Variants in PAX1 observed in about 807,000 individuals in gnomAD.
The protein encoded by PAX1 is paired box 1, also known as paired box protein Pax-1.
In PAX1, 18 loss-of-function variants were observed where a neutral mutation model predicts 35.6. The ratio of observed to expected loss-of-function variants is 0.50; its 90% CI spans 0.35 to 0.75. PAX1 has a LOEUF of 0.75. Among genes scored for constraint, PAX1 ranks in the 30% least tolerant of loss-of-function variants. The pLI, the probability that PAX1 is intolerant of heterozygous loss-of-function variation, is 0.01. For missense variants in PAX1, 760 were observed against 661.5 expected (o/e 1.15, Z -1.63); for synonymous variants, 397 against 305.2 (o/e 1.30, Z -3.14).
rs769268661 is a variant in PAX1 at position 21,714,637 on chromosome 20, C to G, written c.*75C>G. On this transcript the variant is annotated 3_prime_UTR_variant, in exon 5 of 5. Transcript: ENST00000613128. ...GGCGCACAGGTCTGCGCGGCGGCCCCGGCAATCGGCACGGGCAGGATCGGA... is the reference window on the plus strand; with the variant it reads ...GGCGCACAGGTCTGCGCGGCGGCCCGGGCAATCGGCACGGGCAGGATCGGA... 5 of 1,578,350 alleles carry G rather than the reference C, an allele frequency of 3.2e-6. No homozygotes were observed. The highest frequency in any genetic ancestry group is 3.7e-5 in the Admixed American group (2 of 54,742).
Position 21,707,056 on chromosome 20 carries a change from T to C in PAX1, c.905T>C (p.Met302Thr), listed in dbSNP as rs745309335. The change falls in exon 2 of 5, where the codon ATG (methionine) becomes ACG (threonine). Residue 302 changes from methionine to threonine, a missense_variant. Physicochemically the swap from Met to Thr is moderately conservative, Grantham distance 81. Around this residue, in one of 3 missense-constraint regions of PAX1, gnomAD observed 490 missense variants for 428.4 expected, o/e 1.14. Coordinates refer to ENST00000613128, the MANE Select transcript of PAX1 (RefSeq NM_001257096.2). ...AACATCCTGGGCATCCGGACGTTTATGGAGCAAACAGGTCAGTTGTGGCGG... is the reference window on the plus strand; with the variant it reads ...AACATCCTGGGCATCCGGACGTTTACGGAGCAAACAGGTCAGTTGTGGCGG... ...VSNILGIRTF[M>T]EQTGALAGSE... The C allele has an allele frequency of 3.7e-6, 6 of 1,613,050 alleles. No individual in the cohort carries two copies. Among genetic ancestry groups the C allele is most frequent in the South Asian group, 1.1e-5 (1 of 91,086 alleles).
intron 4 of PAX1, 25 bp downstream of exon 4, chr20:21,709,469 G>A (rs1452846012): frequency 2.0e-6 from 3 of 1,481,870 alleles, no homozygotes; most frequent in Non-Finnish European, 2.7e-6. Context: ...GAGTGGGGCG[G>A]GTGGATGCTG....
At chr20:21,710,940 T>C (rs1985180405) in intron 4 of PAX1, among the ~76,000 whole-genome samples, 1 of 152,168 alleles carries the variant, frequency 6.6e-6, no homozygotes, top group African/African-American at 2.4e-5. Flanking sequence ...TATAGAAAAA[T>C]CCAAGTGAAG....
chr20:21,709,320 C>T lies in PAX1; in HGVS notation c.1158C>T (p.Tyr386=). The change falls in exon 4 of 5, where the codon TAC becomes TAT. Residue 386 remains tyrosine, a synonymous_variant. Transcript: ENST00000613128. ...TGTACAGCGCCCCGGGCGGCGGCTACCTCGCCCCGGGCCCGCCGTGGCCGC... is the reference window on the plus strand; with the variant it reads ...TGTACAGCGCCCCGGGCGGCGGCTATCTCGCCCCGGGCCCGCCGTGGCCGC... ...HGVYSAPGGG[Y]LAPGPPWPPA... The T allele has an allele frequency of 6.2e-7, 1 of 1,600,438 alleles. No individual in the cohort carries two copies. Among genetic ancestry groups the T allele is most frequent in the Non-Finnish European group, 8.5e-7 (1 of 1,178,272 alleles).
chr20:21,709,436 G>GCC lies in PAX1; in HGVS notation c.1275_1276dup (p.Arg426ProfsTer114). On this transcript the variant is annotated frameshift_variant, in exon 4 of 5. Coordinates refer to ENST00000613128, the MANE Select transcript of PAX1 (RefSeq NM_001257096.2). LOFTEE classifies it high-confidence loss of function. ...GCAGCAATGACCTTCAAGCATCCCAGCCGAGAAGGTGAGGAGCGCAGGGAG... is the reference window on the plus strand; with the variant it reads ...GCAGCAATGACCTTCAAGCATCCCAGCCCCGAGAAGGTGAGGAGCGCAGGGAG... 1 of 1,529,688 alleles carries GCC rather than the reference G, an allele frequency of 6.5e-7. No homozygotes were observed. The highest frequency in any genetic ancestry group is 2.0e-5 in the Admixed American group (1 of 49,266). 94.8% of individuals were successfully genotyped at this position (1,529,688 alleles called of 1,614,324 possible).
At chr20:21,712,788 G>A (rs1458272250) in intron 4 of PAX1, among the ~76,000 whole-genome samples, 6 of 152,182 alleles carry the variant, frequency 3.9e-5, no homozygotes, top group African/African-American at 9.7e-5. Context: ...TGTCGCACCC[G>A]GACGCTGGCA....
rs1195346294 is a variant in PAX1, at chr20:21,709,338, G to T, written c.1176G>T (p.Pro392=). Residue 392 remains proline (P), a synonymous_variant, in exon 4 of 5, where the codon CCG becomes CCT. Transcript: ENST00000613128. ...GCGGCTACCTCGCCCCGGGCCCGCC[G>T]TGGCCGCCTGCGCAAGGTCCTCCTC... ...PGGGYLAPGP[P]WPPAQGPPLA... The T allele has an allele frequency of 1.3e-6, 2 of 1,598,648 alleles. No individual in the cohort carries two copies. The highest frequency in any genetic ancestry group is 1.7e-5 in the Admixed American group (1 of 59,454).
intron 4 of PAX1, among the ~76,000 whole-genome samples, chr20:21,712,754 C>T (rs918188326): frequency 6.6e-6 from 1 of 152,212 alleles, no homozygotes; most frequent in African/African-American, 2.4e-5. Flanking sequence ...TAAACTTTGT[C>T]AAAGAGCACT....
intron 4 of PAX1, 131 bp from the exon 5 acceptor site, chr20:21,714,340 T>C: frequency 1.5e-6 from 1 of 662,004 alleles, no homozygotes; most frequent in Non-Finnish European, 2.5e-6. Flanking sequence ...CGCGAGTCTC[T>C]GCTTCACTCT....
At chr20:21,709,565 CCCT>C in intron 4 of PAX1, 121 bp downstream of exon 4, 1 of 719,252 alleles carries the variant, frequency 1.4e-6, no homozygotes, top group South Asian at 1.9e-5. Flanking sequence ...TGGGCATGAA[CCCT>C]TCTTCTGGGT....
Position 21,714,615 on chromosome 20 carries a change from G to A in PAX1, c.*53G>A. On this transcript the variant is annotated 3_prime_UTR_variant, in exon 5 of 5. Coordinates refer to ENST00000613128, the MANE Select transcript of PAX1 (RefSeq NM_001257096.2). ...GAGGGAACGGCAGGCGGACCCGGGC[G>A]CACAGGTCTGCGCGGCGGCCCCGGC... 6.4e-7 allele frequency: 1 copy of A among 1,558,160 alleles called. No homozygotes were observed. The highest frequency in any genetic ancestry group is 1.2e-5 in the South Asian group (1 of 85,314).
rs943947318 is a variant in PAX1 at position 21,706,122 on chromosome 20, T to C, written c.286+124T>C. 1.7e-5 allele frequency: 14 copies of C among 845,642 alleles called. No homozygotes were observed. The Middle Eastern group carries it at 1.0e-3, about 62-fold the overall frequency. The allele number at this position is 845,642 out of a possible 1,614,324, so 52.4% of individuals were successfully genotyped here. ...GTCCTGGGTCCTGGAGAAGCTGCAT[T>C]CTCCTCTGATCCCCAGCCTTCAGGG... On this transcript the variant is annotated intron_variant, in intron 1 of 4. Transcript: ENST00000613128. This position sits in a 1 kb window ranked among gnomAD's most constrained non-coding sequence, Gnocchi z 5.3.
intron 2 of PAX1, 50 bp from the exon 3 acceptor site, chr20:21,708,508 C>T: frequency 6.2e-7 from 1 of 1,606,560 alleles, no homozygotes; most frequent in Non-Finnish European, 8.5e-7. Context: ...CACACGTGTG[C>T]CCAGGGCAGA....
At chr20:21,713,741 G>C (rs1175522354) in intron 4 of PAX1, among the ~76,000 whole-genome samples, 6 of 152,172 alleles carry the variant, frequency 3.9e-5, no homozygotes, top group Non-Finnish European at 1.5e-5. Context: ...AAATAATAGA[G>C]TAAGGCGCAG....
chr20:21,714,957 C>G lies in PAX1; in HGVS notation c.*395C>G, dbSNP rs532099507. ...TTCTTTCTCACTCTCCCTCCCTTCCCTTTCTCTTTCCCTTCCTCCCTACCT... is the reference window on the plus strand; with the variant it reads ...TTCTTTCTCACTCTCCCTCCCTTCCGTTTCTCTTTCCCTTCCTCCCTACCT... On this transcript the variant is annotated 3_prime_UTR_variant, in exon 5 of 5. Transcript: ENST00000613128. 5 of 734,608 alleles carry G rather than the reference C, an allele frequency of 6.8e-6. No homozygotes were observed. The highest frequency in any genetic ancestry group is 1.2e-5 in the Non-Finnish European group (5 of 420,616). 45.5% of individuals were successfully genotyped at this position (734,608 alleles called of 1,614,324 possible).
chr20:21,717,870 T>C lies in PAX1; in HGVS notation c.*3308T>C, dbSNP rs777292577. ...GAAGTTCTTCCTGCTCTCATTTTTG[T>C]TCTTAAAGGTGAATGCTGTTATAGT... On this transcript the variant is annotated 3_prime_UTR_variant, in exon 5 of 5. Transcript: ENST00000613128. 3 of 152,214 alleles carry C rather than the reference T, an allele frequency of 2.0e-5. No individual in the cohort carries two copies. Among genetic ancestry groups the C allele is most frequent in the Admixed American group, 6.5e-5 (1 of 15,288 alleles). The allele number at this position is 152,214 out of a possible 1,614,324, so 9.4% of individuals were successfully genotyped here. A position where few individuals can be genotyped will look rare whatever the true frequency, so the allele number is the denominator to read the frequency against.
intron 3 of PAX1, 62 bp downstream of exon 3, chr20:21,708,762 G>T: frequency 6.4e-7 from 1 of 1,560,982 alleles, no homozygotes. Flanking sequence ...TGGGCAAGTG[G>T]GGAAAAAGAG....
Position 21,706,757 on chromosome 20 carries a change from C to T in PAX1, c.606C>T (p.Ala202=), listed in dbSNP as rs755790020. ...GGGAGATCCGCGACCGGCTGCTGGC[C>T]GACGGCGTCTGTGACAAGTACAATG... ...FAWEIRDRLL[A]DGVCDKYNVP... is the part of the protein sequence containing the mutation. Residue 202 remains alanine, a synonymous_variant, in exon 2 of 5, where the codon GCC becomes GCT. Coordinates refer to ENST00000613128, the MANE Select transcript of PAX1 (RefSeq NM_001257096.2). This position sits in a 1 kb window ranked among gnomAD's most constrained non-coding sequence, Gnocchi z 5.3. 3 of 1,613,418 alleles carry T rather than the reference C, an allele frequency of 1.9e-6. No homozygotes were observed. Among genetic ancestry groups the T allele is most frequent in the Non-Finnish European group, 2.5e-6 (3 of 1,180,040 alleles).
chr20:21,713,026 A>G (rs1985246356), intron 4 of PAX1, among the ~76,000 whole-genome samples: 1 of 152,190 alleles, frequency 6.6e-6, no homozygotes, highest in Non-Finnish European at 1.5e-5. Context: ...GAGGGGCCCT[A>G]TGAGGAAGGA....
Sources: gnomAD v4.1 joint callset for allele counts (sites outside exome capture counted in the v4.1 genomes callset) on GRCh38, gnomAD v4.1.1 for gene constraint, gnomAD v4.1.1 regional missense constraint, Gnocchi (gnomAD v3.1) non-coding constraint, MANE v1.5 for transcripts, NCBI Gene and HGNC (gene_info 2026-07-23, HGNC 2026-07-21) for gene names.